SP1: variants seen among roughly 807,000 people sequenced by gnomAD.
SP1 encodes Sp1 transcription factor, also known as transcription factor Sp1.
In SP1, 6 loss-of-function variants were observed where a neutral mutation model predicts 66.3. The ratio of observed to expected loss-of-function variants is 0.09; its 90% confidence interval spans 0.05 to 0.18. The LOEUF is 0.18. SP1 is among the 10% of genes least tolerant of loss of function. SP1 has a pLI of 1.00. For synonymous variants in SP1, 417 were observed against 360.8 expected (o/e 1.16, Z -1.77); for missense variants, 848 against 964.5 (o/e 0.88, Z 1.60).
At chr12:53,409,683 A>G in intron 5 of SP1, 122 bp downstream of exon 5, 1 of 835,298 alleles carries the variant, frequency 1.2e-6, no homozygotes, top group East Asian at 2.6e-5. Context: ...ATGGGTCACA[A>G]ATGGAATTGG....
rs1170832065 is a variant in SP1, at chr12:53,406,065, C to CTTTTTT, written c.1676-501_1676-496dup. On this transcript the variant is annotated intron_variant, in intron 3 of 5. Coordinates refer to ENST00000327443, the MANE Select transcript of SP1 (RefSeq NM_138473.3). ...TTTATTGGCTCTTGGTATTTTCTTTCTTTTTTTTTTTTTTTTTTTTTTTTG... is the reference window on the plus strand; with the variant it reads ...TTTATTGGCTCTTGGTATTTTCTTTCTTTTTTTTTTTTTTTTTTTTTTTTTTTTTTG... 1.7e-3 allele frequency among the ~76,000 whole-genome samples: 144 copies of CTTTTTT among 82,418 alleles called. 2 individuals carry two copies. The highest frequency in any genetic ancestry group is 2.8e-3 in the Non-Finnish European group (112 of 40,124). 54.1% of individuals were successfully genotyped at this position (82,418 alleles called of 152,430 possible). A position where few individuals can be genotyped will look rare whatever the true frequency, so the allele number is the denominator to read the frequency against.
intron 3 of SP1, among the ~76,000 whole-genome samples, chr12:53,384,258 C>T (rs1280760963): frequency 2.4e-4 from 36 of 148,964 alleles, no homozygotes; most frequent in African/African-American, 7.9e-4. Flanking sequence ...CGTGAGCCAC[C>T]GCGCCCGGCT....
intron 3 of SP1, among the ~76,000 whole-genome samples, chr12:53,405,603 G>A (rs1938714439): frequency 6.6e-6 from 1 of 151,946 alleles, no homozygotes; most frequent in African/African-American, 2.4e-5. Flanking sequence ...CCAGGAGATG[G>A]AGGTTGCAGT....
intron 3 of SP1, among the ~76,000 whole-genome samples, chr12:53,405,474 C>T (rs1938711379): frequency 6.6e-6 from 1 of 152,002 alleles, no homozygotes; most frequent in Admixed American, 6.6e-5. Flanking sequence ...TTCGAGACAG[C>T]CTGACCAACA....
intron 3 of SP1, among the ~76,000 whole-genome samples, chr12:53,404,365 A>C (rs1037981099): frequency 6.6e-6 from 1 of 151,940 alleles, no homozygotes; most frequent in Non-Finnish European, 1.5e-5. Context: ...CCCCATCTCT[A>C]CTAAAAAAAT....
At position 53,406,744 on chromosome 12, in the gene SP1, G is replaced by C. The variant is rs779541987; in HGVS notation, c.1835G>C (p.Ser612Thr). Reference protein sequence around the residue: ...EACTCPYCKDSEGRGSGDPGK... With the variant: ...EACTCPYCKDTEGRGSGDPGK... ...TGCACCTGCCCCTACTGTAAAGACA[G>C]TGAAGGAAGGTGAGTTGACCCAGCC... Residue 612 changes from serine to threonine, a missense_variant, in exon 4 of 6, where the codon AGT becomes ACT. Transcript: ENST00000327443. 2 of 1,612,972 alleles carry C rather than the reference G, an allele frequency of 1.2e-6. No individual in the cohort carries two copies. Among genetic ancestry groups the C allele is most frequent in the Non-Finnish European group, 1.7e-6 (2 of 1,179,562 alleles).
intron 3 of SP1, among the ~76,000 whole-genome samples, chr12:53,385,602 A>T (rs566272027): frequency 7.1e-6 from 1 of 141,176 alleles, no homozygotes; most frequent in African/African-American, 2.6e-5. Flanking sequence ...CTCAAAAAAA[A>T]AAAAAATAAA....
intron 3 of SP1, among the ~76,000 whole-genome samples, chr12:53,384,947 T>G (rs903766998): frequency 2.0e-5 from 3 of 150,172 alleles, no homozygotes; most frequent in Non-Finnish European, 4.4e-5. Context: ...ATTGCACCAC[T>G]GCACTCCAGC....
chr12:53,407,252 G>A (rs1260287446), intron 4 of SP1, among the ~76,000 whole-genome samples: 1 of 151,102 alleles, frequency 6.6e-6, no homozygotes, highest in Admixed American at 6.6e-5. Flanking sequence ...AAGAAAGCGA[G>A]AGCCGATCTC....
Position 53,383,036 on chromosome 12 carries a change from G to C in SP1, c.1089G>C (p.Gln363His), listed in dbSNP as rs199556720. The C allele has an allele frequency of 1.1e-5, 17 of 1,614,194 alleles. No homozygotes were observed. The East Asian group carries it at 3.8e-4, about 36-fold the overall frequency. The stretch of plus-strand genomic sequence containing the variant: ...CACCCCAGAGGGTCAGTGGGCTACA[G>C]GGGTCTGATGCTCTGAACATCCAGC... ...GQTPQRVSGL[Q>H]GSDALNIQQN... The change falls in exon 3 of 6, where the codon CAG becomes CAC. Residue 363 changes from glutamine to histidine, a missense_variant. This residue lies in a region of SP1 where 606 missense variants were observed against 589.9 expected (regional missense o/e 1.03). Coordinates refer to ENST00000327443, the MANE Select transcript of SP1 (RefSeq NM_138473.3).
intron 3 of SP1, among the ~76,000 whole-genome samples, chr12:53,390,682 C>CA (rs201545599): frequency 0.018 from 2,576 of 139,942 alleles, 34 homozygotes; most frequent in African/African-American, 0.045. Context: ...GATTCCGTCT[C>CA]AAAAAAAAAA....
chr12:53,383,089 A>G lies in SP1; in HGVS notation c.1142A>G (p.Gln381Arg), dbSNP rs752606006. ...AACCAGACATCTGGAGGCTCATTGCAAGCAGGCCAGCAAAAAGAAGGAGAG... is the reference window on the plus strand; with the variant it reads ...AACCAGACATCTGGAGGCTCATTGCGAGCAGGCCAGCAAAAAGAAGGAGAG... Reference protein sequence around the residue: ...QQNQTSGGSLQAGQQKEGEQN... With the variant: ...QQNQTSGGSLRAGQQKEGEQN... The change falls in exon 3 of 6, where the codon CAA becomes CGA. Residue 381 changes from glutamine to arginine, a missense_variant. Gln to Arg is a conservative substitution (Grantham distance 43, BLOSUM62 1). This residue lies in a region of SP1 where 606 missense variants were observed against 589.9 expected (regional missense o/e 1.03). Transcript: ENST00000327443. The G allele has an allele frequency of 2.5e-6, 4 of 1,614,204 alleles. No homozygotes were observed. Among genetic ancestry groups the G allele is most frequent in the Non-Finnish European group, 3.4e-6 (4 of 1,180,044 alleles).
intron 1 of SP1, chr12:53,380,558 G>A (rs1253941410): frequency 8.2e-6 from 6 of 732,554 alleles, no homozygotes; most frequent in Non-Finnish European, 1.1e-5. Flanking sequence ...GGCCACGGGG[G>A]ACGGGCCTTA....
chr12:53,381,474 A>G (rs1436031546), intron 1 of SP1, 185 bp from the exon 2 acceptor site: 7 of 484,390 alleles, frequency 1.4e-5, no homozygotes, highest in Non-Finnish European at 2.2e-5. Flanking sequence ...CTTTTGGCAC[A>G]TTGAACCTAG....
rs967404295 is a variant in SP1, at chr12:53,380,184, C to T, written c.-108C>T. 16 of 769,926 alleles carry T rather than the reference C, an allele frequency of 2.1e-5. No homozygotes were observed. Among genetic ancestry groups the T allele is most frequent in the East Asian group, 1.6e-4 (6 of 37,218 alleles). The allele number at this position is 769,926 out of a possible 1,614,324, so 47.7% of individuals were successfully genotyped here. ...GCTGCTCCCTCCTCCTTACCCCCCCCTCCCTGTCCGGTCCGGGTTCGCTTG... is the reference window on the plus strand; with the variant it reads ...GCTGCTCCCTCCTCCTTACCCCCCCTTCCCTGTCCGGTCCGGGTTCGCTTG... On this transcript the variant is annotated 5_prime_UTR_variant, in exon 1 of 6. Transcript: ENST00000327443.
Position 53,411,561 on chromosome 12 carries a change from G to A in SP1, c.*321G>A. 1 of 206,338 alleles carries A rather than the reference G, an allele frequency of 4.8e-6. No homozygotes were observed. The highest frequency in any genetic ancestry group is 9.6e-6 in the Non-Finnish European group (1 of 103,926). The allele number at this position is 206,338 out of a possible 1,614,324, so 12.8% of individuals were successfully genotyped here. A position where few individuals can be genotyped will look rare whatever the true frequency, so the allele number is the denominator to read the frequency against. On this transcript the variant is annotated 3_prime_UTR_variant, in exon 6 of 6. Coordinates refer to ENST00000327443, the MANE Select transcript of SP1 (RefSeq NM_138473.3). Reference sequence around the variant, plus strand: ...GCATTTCTCTTCTCAGCTCTTCCATGATGGATTCCCCCCCCTTTCCTAAAG... The same window carrying A: ...GCATTTCTCTTCTCAGCTCTTCCATAATGGATTCCCCCCCCTTTCCTAAAG...
chr12:53,402,636 T>C (rs1318730056), intron 3 of SP1, among the ~76,000 whole-genome samples: 2 of 147,764 alleles, frequency 1.4e-5, no homozygotes, highest in African/African-American at 2.5e-5. Flanking sequence ...GTCAGGAGTT[T>C]GAGACCAGCC....
chr12:53,381,685 A>G lies in SP1; in HGVS notation c.34A>G (p.Thr12Ala), dbSNP rs1565806102. 2.5e-6 allele frequency: 4 copies of G among 1,613,314 alleles called. No homozygotes were observed. The highest frequency in any genetic ancestry group is 2.5e-6 in the Non-Finnish European group (3 of 1,179,796). The stretch of plus-strand genomic sequence containing the variant: ...CCAAGATCACTCCATGGATGAAATG[A>G]CAGCTGTGGTGAAAATTGAAAAAGG... ...SDQDHSMDEM[T>A]AVVKIEKGVG... The change falls in exon 2 of 6, where the codon ACA becomes GCA. Residue 12 changes from threonine to alanine, a missense_variant. Transcript: ENST00000327443.
chr12:53,399,321 G>GT (rs769747460), intron 3 of SP1, among the ~76,000 whole-genome samples: 14 of 129,662 alleles, frequency 1.1e-4, no homozygotes, highest in African/African-American at 4.8e-4. Context: ...GCTAATTTTT[G>GT]TTTTTTTGTT....
Sources: gnomAD v4.1 joint callset for allele counts (sites outside exome capture counted in the v4.1 genomes callset) on GRCh38, gnomAD v4.1.1 for gene constraint, gnomAD v4.1.1 regional missense constraint, MANE v1.5 for transcripts, NCBI Gene and HGNC (gene_info 2026-07-23, HGNC 2026-07-21) for gene names.